The following MVB12B variants were observed in gnomAD, a reference collection of about 807,000 sequenced individuals.
MVB12B encodes multivesicular body subunit 12B, also known as ESCRT-I complex subunit MVB12B.
MVB12B carries 16 observed loss-of-function variants against 41.6 expected under a neutral mutation model. The observed-to-expected ratio is 0.38, with a 90% CI of 0.26 to 0.58. MVB12B has a LOEUF of 0.58. Ranked by LOEUF, MVB12B falls within the 20% of genes least tolerant of loss-of-function variation. The probability of loss-of-function intolerance (pLI) is 0.62; values close to 1 mark genes in which losing one functional copy is unlikely to be tolerated. For missense variants in MVB12B, 274 were observed against 380.2 expected, an observed-to-expected ratio of 0.72 and a Z score of 2.32; for synonymous variants, 133 against 139.7, an observed-to-expected ratio of 0.95 and a Z score of 0.34.
chr9:126,435,179 C>T (rs1033313474), intron 7 of MVB12B, among the ~76,000 whole-genome samples: 1 of 152,060 alleles, frequency 6.6e-6, no homozygotes, highest in Non-Finnish European at 1.5e-5. Context: ...CAAGAGGGCA[C>T]TCCAGAAGTG....
chr9:126,465,045 A>G (rs1348465775), intron 7 of MVB12B, among the ~76,000 whole-genome samples: 1 of 152,198 alleles, frequency 6.6e-6, no homozygotes, highest in Non-Finnish European at 1.5e-5. Context: ...AGGAAAGGGA[A>G]GGCCCAGGAC....
intron 7 of MVB12B, among the ~76,000 whole-genome samples, chr9:126,457,437 G>GT (rs1833005573): frequency 1.3e-5 from 2 of 152,198 alleles, no homozygotes; most frequent in African/African-American, 4.8e-5. Flanking sequence ...AGGAACCCCA[G>GT]TGTGTGCCAA....
At chr9:126,415,184 G>A (rs915933414) in intron 6 of MVB12B, among the ~76,000 whole-genome samples, 11 of 152,172 alleles carry the variant, frequency 7.2e-5, no homozygotes, top group African/African-American at 1.7e-4. Context: ...GGTCGTGATC[G>A]GGGCCTTCCT....
At chr9:126,418,858 C>A (rs578003026) in intron 6 of MVB12B, among the ~76,000 whole-genome samples, 4 of 152,298 alleles carry the variant, frequency 2.6e-5, no homozygotes, top group African/African-American at 9.6e-5. Context: ...TCCTACCCTG[C>A]CCTTCCTAGC....
At chr9:126,450,969 G>T (rs1793322266) in intron 7 of MVB12B, among the ~76,000 whole-genome samples, 1 of 152,218 alleles carries the variant, frequency 6.6e-6, no homozygotes, top group Non-Finnish European at 1.5e-5. Flanking sequence ...ACACATTAAG[G>T]GAGGGAAGCG....
At chr9:126,336,065 C>T (rs1053218876) in intron 1 of MVB12B, among the ~76,000 whole-genome samples, 5 of 152,248 alleles carry the variant, frequency 3.3e-5, no homozygotes, top group Non-Finnish European at 7.3e-5. Flanking sequence ...CTGCCCAGGG[C>T]ACCTGCTTTG....
chr9:126,386,518 C>T lies in MVB12B; in HGVS notation c.313-44C>T. ...GCCAAAATGGCAAACCCACCACATG[C>T]ATGTTCAGATTAATAGTCTGTATCT... On this transcript the variant is annotated intron_variant, in intron 3 of 9. Transcript: ENST00000361171. The surrounding 1 kb of genome is among the most constrained non-coding windows in gnomAD (Gnocchi z 4.3). 1 of 1,475,264 alleles carries T rather than the reference C, an allele frequency of 6.8e-7. No individual in the cohort carries two copies. The allele number at this position is 1,475,264 out of a possible 1,614,324, so 91.4% of individuals were successfully genotyped here.
In MVB12B at chr9:126,386,668, C is replaced by A; in HGVS notation, c.409+10C>A. The A allele has an allele frequency of 6.3e-7, 1 of 1,577,660 alleles. No homozygotes were observed. The highest frequency in any genetic ancestry group is 8.7e-7 in the Non-Finnish European group (1 of 1,146,990). On this transcript the variant is annotated intron_variant, in intron 4 of 9. Transcript: ENST00000361171. The surrounding 1 kb of genome is among the most constrained non-coding windows in gnomAD (Gnocchi z 4.3). ...GAGACGGTGGACACACGTGAGTCATCCTTTAGTAGCACTCATCACAATGAG... is the reference window on the plus strand; with the variant it reads ...GAGACGGTGGACACACGTGAGTCATACTTTAGTAGCACTCATCACAATGAG...
chr9:126,346,573 A>G (rs1170262877), intron 2 of MVB12B, among the ~76,000 whole-genome samples: 2 of 152,060 alleles, frequency 1.3e-5, no homozygotes, highest in Non-Finnish European at 2.9e-5. Flanking sequence ...CTGGGGCTGA[A>G]GGTCTGGAGA....
chr9:126,501,046 GT>G (rs2119242507), intron 9 of MVB12B, among the ~76,000 whole-genome samples: 1 of 152,362 alleles, frequency 6.6e-6, no homozygotes, highest in Admixed American at 6.5e-5. Context: ...TGCCGTGCAT[GT>G]GCCCAGGCGG....
intron 2 of MVB12B, among the ~76,000 whole-genome samples, chr9:126,379,438 C>T (rs1425196278): frequency 2.0e-5 from 3 of 152,154 alleles, no homozygotes; most frequent in Non-Finnish European, 4.4e-5. Flanking sequence ...CCTTAAATCT[C>T]ATGTTTCCCT....
At chr9:126,471,717 C>T (rs560757293) in intron 7 of MVB12B, among the ~76,000 whole-genome samples, 10 of 152,218 alleles carry the variant, frequency 6.6e-5, no homozygotes, top group African/African-American at 1.4e-4. Flanking sequence ...ACTTTTGAAA[C>T]GCCACAGGAA....
intron 9 of MVB12B, among the ~76,000 whole-genome samples, chr9:126,495,697 T>C (rs1833815229): frequency 6.6e-6 from 1 of 151,914 alleles, no homozygotes; most frequent in Non-Finnish European, 1.5e-5. Context: ...CCTGTGAGAC[T>C]GAGGGTTTAC....
intron 2 of MVB12B, among the ~76,000 whole-genome samples, chr9:126,346,617 T>C (rs370102557): frequency 1.3e-5 from 2 of 152,092 alleles, no homozygotes; most frequent in African/African-American, 4.8e-5. Flanking sequence ...TAGCAAGGAC[T>C]GCGGGCATAA....
intron 2 of MVB12B, among the ~76,000 whole-genome samples, chr9:126,352,096 G>C (rs946058961): frequency 6.6e-6 from 1 of 151,964 alleles, no homozygotes; most frequent in African/African-American, 2.4e-5. Context: ...AATTCTCTTT[G>C]ATAACAGATT....
At chr9:126,362,308 A>C (rs1429794548) in intron 2 of MVB12B, among the ~76,000 whole-genome samples, 1 of 152,230 alleles carries the variant, frequency 6.6e-6, no homozygotes, top group Non-Finnish European at 1.5e-5. Context: ...ACAAAGATAT[A>C]ATCAGAAATT....
At position 126,490,652 on chromosome 9, in the gene MVB12B, T is replaced by C. The variant is rs78221200; in HGVS notation, c.873+6620T>C. Among the ~76,000 whole-genome samples, 535 of 152,324 alleles carry C rather than the reference T, an allele frequency of 3.5e-3. 8 individuals are homozygous for C. In the East Asian group the frequency reaches 0.042, roughly 12 times the overall value. The stretch of plus-strand genomic sequence containing the variant: ...GAAAGATGAGGGAGGGTCTAATTAG[T>C]AAAGGGATGCTCTAATATTAATCAC... On this transcript the variant is annotated intron_variant, in intron 9 of 9. Transcript: ENST00000361171.
At chr9:126,485,745 TCA>T (rs1833606588) in intron 9 of MVB12B, among the ~76,000 whole-genome samples, 1 of 126,564 alleles carries the variant, frequency 7.9e-6, no homozygotes, top group Non-Finnish European at 1.7e-5. Flanking sequence ...TTCAAACAGT[TCA>T]CACATTTTCC....
intron 9 of MVB12B, among the ~76,000 whole-genome samples, chr9:126,499,631 C>A (rs888031412): frequency 6.6e-6 from 1 of 152,116 alleles, no homozygotes; most frequent in African/African-American, 2.4e-5. Flanking sequence ...GCAGGGACCG[C>A]GTCTGCGGGA....
Sources: gnomAD v4.1 joint callset for allele counts (sites outside exome capture counted in the v4.1 genomes callset) on GRCh38, gnomAD v4.1.1 for gene constraint, Gnocchi (gnomAD v3.1) non-coding constraint, MANE v1.5 for transcripts, NCBI Gene and HGNC (gene_info 2026-07-23, HGNC 2026-07-21) for gene names.